Variants in SLC24A3 observed in about 807,000 individuals in gnomAD.
SLC24A3 encodes the protein sodium/potassium/calcium exchanger 3.
Under a neutral mutation model 75.8 loss-of-function variants are expected in SLC24A3, and 28 were observed. The observed-to-expected ratio is 0.37, with a 90% CI of 0.27 to 0.51. SLC24A3 has a LOEUF of 0.51. SLC24A3 is among the 20% of genes least tolerant of loss of function. SLC24A3 has a pLI of 0.94. For missense variants in SLC24A3, 663 were observed against 847.8 expected (o/e 0.78, Z 2.71); for synonymous variants, 372 against 334.1 (o/e 1.11, Z -1.24).
At chr20:19,293,593 T>C (rs1983992398) in intron 2 of SLC24A3, among the ~76,000 whole-genome samples, 1 of 149,532 alleles carries the variant, frequency 6.7e-6, no homozygotes, top group Non-Finnish European at 1.5e-5. Context: ...GAGATGGAGG[T>C]TGCAGTGAGC....
chr20:19,262,945 T>G (rs1345131215), intron 1 of SLC24A3, among the ~76,000 whole-genome samples: 1 of 152,050 alleles, frequency 6.6e-6, no homozygotes, highest in African/African-American at 2.4e-5. Context: ...CTCATCCTGC[T>G]GCCATGGAGT....
chr20:19,428,802 A>T (rs1472448803), intron 2 of SLC24A3, among the ~76,000 whole-genome samples: 1 of 152,210 alleles, frequency 6.6e-6, no homozygotes, highest in Non-Finnish European at 1.5e-5. Context: ...GTAGCTATTT[A>T]ACCTGCCCTG....
intron 3 of SLC24A3, among the ~76,000 whole-genome samples, chr20:19,577,132 G>A (rs893250292): frequency 1.3e-4 from 20 of 151,840 alleles, no homozygotes; most frequent in African/African-American, 4.8e-4. Flanking sequence ...TCGGCTCATG[G>A]CAAGCTCCCC....
At position 19,685,200 on chromosome 20, in the gene SLC24A3, G is replaced by A; in HGVS notation, c.1163G>A (p.Ser388Asn). 6.2e-7 allele frequency: 1 copy of A among 1,614,212 alleles called. No homozygotes were observed. Among genetic ancestry groups the A allele is most frequent in the Non-Finnish European group, 8.5e-7 (1 of 1,180,036 alleles). Residue 388 changes from serine (S) to asparagine (N), a missense_variant, in exon 12 of 17, where the codon AGC becomes AAC. Ser to Asn is a conservative substitution (Grantham distance 46). This residue lies in a region of SLC24A3 where 510 missense variants were observed against 703.6 expected (regional missense o/e 0.72). Coordinates refer to ENST00000328041, the MANE Select transcript of SLC24A3 (RefSeq NM_020689.4). ...KHTVENGTGP[S>N]SAPDRGVNGT... ...ACCGTGGAGAATGGGACAGGGCCCAGCAGTGCCCCAGACAGGGGCGTGAAT... is the reference window on the plus strand; with the variant it reads ...ACCGTGGAGAATGGGACAGGGCCCAACAGTGCCCCAGACAGGGGCGTGAAT...
At chr20:19,537,773 C>T (rs903267024) in intron 3 of SLC24A3, among the ~76,000 whole-genome samples, 2 of 150,168 alleles carry the variant, frequency 1.3e-5, no homozygotes, top group Admixed American at 6.7e-5. Flanking sequence ...CAAACTATTG[C>T]AAGGACAAAA....
intron 6 of SLC24A3, among the ~76,000 whole-genome samples, chr20:19,629,806 C>T (rs968793719): frequency 6.6e-6 from 1 of 152,152 alleles, no homozygotes; most frequent in Non-Finnish European, 1.5e-5. Flanking sequence ...GAAAAACTGC[C>T]ATTCATTAAT....
At chr20:19,218,325 A>C (rs1600379235) in intron 1 of SLC24A3, among the ~76,000 whole-genome samples, 1 of 152,278 alleles carries the variant, frequency 6.6e-6, no homozygotes, top group East Asian at 1.9e-4. Flanking sequence ...CCCATTTCTC[A>C]TGGGATAGCA....
chr20:19,477,366 A>C (rs1046614205), intron 2 of SLC24A3, among the ~76,000 whole-genome samples: 8 of 152,222 alleles, frequency 5.3e-5, no homozygotes, highest in African/African-American at 1.9e-4. Context: ...GGAATAACAA[A>C]TCCAGGAGAA....
chr20:19,580,799 C>T (rs539472094), intron 4 of SLC24A3, among the ~76,000 whole-genome samples: 23 of 152,216 alleles, frequency 1.5e-4, no homozygotes, highest in Non-Finnish European at 2.8e-4. Flanking sequence ...TTCAGAATCC[C>T]TGTTTCCAGA....
chr20:19,538,829 G>A (rs1160438385), intron 3 of SLC24A3, among the ~76,000 whole-genome samples: 1 of 152,202 alleles, frequency 6.6e-6, no homozygotes, highest in African/African-American at 2.4e-5. Context: ...CGGCAGCACT[G>A]TTCATGCCAA....
chr20:19,251,367 G>T (rs1982648542), intron 1 of SLC24A3, among the ~76,000 whole-genome samples: 1 of 152,208 alleles, frequency 6.6e-6, no homozygotes, highest in African/African-American at 2.4e-5. Flanking sequence ...GGGAAGAAAA[G>T]TAAGAACTTA....
At chr20:19,619,423 T>C (rs1297616504) in intron 6 of SLC24A3, among the ~76,000 whole-genome samples, 1 of 152,172 alleles carries the variant, frequency 6.6e-6, no homozygotes, top group Non-Finnish European at 1.5e-5. Flanking sequence ...TCAGAATATG[T>C]ACTATGCATA....
intron 6 of SLC24A3, among the ~76,000 whole-genome samples, chr20:19,598,621 G>T (rs1290534193): frequency 6.6e-6 from 1 of 152,094 alleles, no homozygotes; most frequent in East Asian, 1.9e-4. Context: ...GTGAAATTGT[G>T]ACTGCAGTTG....
chr20:19,569,271 G>A (rs150297432), intron 3 of SLC24A3, among the ~76,000 whole-genome samples: 135 of 152,236 alleles, frequency 8.9e-4, no homozygotes, highest in African/African-American at 3.1e-3. Flanking sequence ...TGCTTTGCAC[G>A]TACTTGTTTT....
At chr20:19,251,976 G>C (rs1475772620) in intron 1 of SLC24A3, among the ~76,000 whole-genome samples, 1 of 152,124 alleles carries the variant, frequency 6.6e-6, no homozygotes, top group African/African-American at 2.4e-5. Flanking sequence ...CTGAGATTCT[G>C]TATATCCTGA....
At chr20:19,486,153 G>T (rs1191131172) in intron 2 of SLC24A3, among the ~76,000 whole-genome samples, 1 of 152,208 alleles carries the variant, frequency 6.6e-6, no homozygotes, top group Non-Finnish European at 1.5e-5. Context: ...GCAAGTCCTT[G>T]CTGACCCAGG....
intron 2 of SLC24A3, among the ~76,000 whole-genome samples, chr20:19,328,716 C>A (rs1183659834): frequency 6.6e-6 from 1 of 152,018 alleles, no homozygotes; most frequent in Non-Finnish European, 1.5e-5. Flanking sequence ...CCTGGGTGTC[C>A]CAGTTGAGAT....
intron 8 of SLC24A3, among the ~76,000 whole-genome samples, chr20:19,667,005 A>C (rs941488985): frequency 1.3e-5 from 2 of 152,192 alleles, no homozygotes; most frequent in African/African-American, 4.8e-5. Context: ...GTAGGTAGAA[A>C]ATCTCCCTGG....
intron 6 of SLC24A3, among the ~76,000 whole-genome samples, chr20:19,639,650 G>T (rs2032048249): frequency 6.6e-6 from 1 of 152,242 alleles, no homozygotes; most frequent in South Asian, 2.1e-4. Context: ...GCCCTTGGGT[G>T]GTCGATGGGA....
Sources: gnomAD v4.1 joint callset for allele counts (sites outside exome capture counted in the v4.1 genomes callset) on GRCh38, gnomAD v4.1.1 for gene constraint, gnomAD v4.1.1 regional missense constraint, MANE v1.5 for transcripts, NCBI Gene and HGNC (gene_info 2026-07-23, HGNC 2026-07-21) for gene names.